DNAH14: variants seen among roughly 807,000 people sequenced by gnomAD.
DNAH14 encodes axonemal beta dynein heavy chain 14.
DNAH14 carries 478 observed loss-of-function variants against 520.9 expected under a neutral mutation model. The observed-to-expected ratio is 0.92, with a 90% confidence interval of 0.85 to 0.99. DNAH14 has a LOEUF of 0.99. Among genes scored for constraint, DNAH14 ranks in the 50% least tolerant of loss-of-function variants. The pLI is 0.00. For missense variants in DNAH14, 4,831 were observed against 5,234.5 expected (o/e 0.92, Z 2.38); for synonymous variants, 1,581 against 1,757.2 (o/e 0.90, Z 2.51).
chr1:225,050,172 C>A, intron 15 of DNAH14, 38 bp from the exon 16 acceptor site: 1 of 1,489,238 alleles, frequency 6.7e-7, no homozygotes, highest in South Asian at 1.4e-5. Flanking sequence ...CTTTCAATGG[C>A]ATTTCTGAAG....
intron 41 of DNAH14, among the ~76,000 whole-genome samples, chr1:225,227,539 T>C (rs1294568086): frequency 6.6e-6 from 1 of 152,206 alleles, no homozygotes; most frequent in Non-Finnish European, 1.5e-5. Flanking sequence ...CTTATGCCTG[T>C]CTTTTTCTAC....
At chr1:225,089,792 ATG>A (rs1433161971) in intron 21 of DNAH14, among the ~76,000 whole-genome samples, 2 of 152,216 alleles carry the variant, frequency 1.3e-5, no homozygotes, top group Non-Finnish European at 2.9e-5. Context: ...TGATTAAAAT[ATG>A]TCTCAACAAA....
At chr1:225,145,157 T>A (rs1252475607) in intron 29 of DNAH14, among the ~76,000 whole-genome samples, 169 bp from the exon 30 acceptor site, 1 of 152,202 alleles carries the variant, frequency 6.6e-6, no homozygotes, top group Non-Finnish European at 1.5e-5. Context: ...TATATGTACA[T>A]TTATACTATT....
chr1:225,373,323 A>G (rs775827551), intron 77 of DNAH14, among the ~76,000 whole-genome samples: 29 of 152,040 alleles, frequency 1.9e-4, no homozygotes, highest in Non-Finnish European at 3.8e-4. Flanking sequence ...ACCCTGTCCG[A>G]GCGTGGTGGT....
rs142089541 is a variant in DNAH14 at position 225,351,687 on chromosome 1, G to A, written c.11337G>A (p.Leu3779=). The change falls in exon 72 of 86, where the codon CTG becomes CTA. Residue 3779 remains leucine (L), a synonymous_variant. Transcript: ENST00000682510. ...GTGAAAGTCAACATCTTCAGTGGCTGTCAGATTCCAGGTGGAGGCAGTGCC... is the reference window on the plus strand; with the variant it reads ...GTGAAAGTCAACATCTTCAGTGGCTATCAGATTCCAGGTGGAGGCAGTGCC... ...EIGESQHLQW[L]SDSRWRQCQY... 2.8e-5 allele frequency: 43 copies of A among 1,550,228 alleles called. No homozygotes were observed. The African/African-American group carries it at 3.7e-4, about 13-fold the overall frequency.
chr1:225,270,704 C>A, intron 49 of DNAH14, 31 bp from the exon 50 acceptor site: 2 of 1,543,954 alleles, frequency 1.3e-6, no homozygotes, highest in Non-Finnish European at 1.8e-6. Context: ...CAGATACATT[C>A]AGTTACTCTT....
At position 225,365,032 on chromosome 1, in the gene DNAH14, C is replaced by T. The variant is rs528162778; in HGVS notation, c.12090+138C>T. On this transcript the variant is annotated intron_variant, in intron 76 of 85. Transcript: ENST00000682510. ...TGAAATGCTAAATTTCTGCTTTGTG[C>T]TCAACCCTATACTGGGGATGAGGAA... 6.4e-6 allele frequency: 4 copies of T among 623,598 alleles called. No homozygotes were observed. In the South Asian group the frequency reaches 8.1e-5, roughly 13 times the overall value. The allele number at this position is 623,598 out of a possible 1,614,324, so 38.6% of individuals were successfully genotyped here.
intron 64 of DNAH14, among the ~76,000 whole-genome samples, chr1:225,331,190 G>T (rs1293381689): frequency 6.6e-6 from 1 of 150,498 alleles, no homozygotes; most frequent in Non-Finnish European, 1.5e-5. Context: ...ATCTACAAAC[G>T]CTAGGATTGT....
rs1447488835 is a variant in DNAH14, at chr1:225,079,437, A to T, written c.2655A>T (p.Ser885=). The T allele has an allele frequency of 6.5e-7, 1 of 1,548,126 alleles. No individual in the cohort carries two copies. The highest frequency in any genetic ancestry group is 8.7e-7 in the Non-Finnish European group (1 of 1,146,184). Residue 885 remains serine, a synonymous_variant, in exon 18 of 86, where the codon TCA becomes TCT. Coordinates refer to ENST00000682510, the MANE Select transcript of DNAH14 (RefSeq NM_001367479.1). Reference sequence around the variant, plus strand: ...TTCTTAAGTTTAGTCAACTAAAATCATCTATGAAGTTAAGTAAAATAAATA... The same window carrying T: ...TTCTTAAGTTTAGTCAACTAAAATCTTCTATGAAGTTAAGTAAAATAAATA... ...VLLLKFSQLK[S]SMKLSKINKD... is the part of the protein sequence containing the mutation.
chr1:224,962,894 T>TA (rs1023524185), intron 4 of DNAH14, among the ~76,000 whole-genome samples: 3 of 152,134 alleles, frequency 2.0e-5, no homozygotes, highest in Non-Finnish European at 4.4e-5. Flanking sequence ...CAAATTACAC[T>TA]AAAAAATGGA....
At chr1:225,291,924 T>C (rs2093901819) in intron 55 of DNAH14, among the ~76,000 whole-genome samples, 1 of 152,076 alleles carries the variant, frequency 6.6e-6, no homozygotes, top group African/African-American at 2.4e-5. Context: ...AGGTTTTGTT[T>C]TGTTTTTCGT....
At chr1:225,234,081 A>G (rs2091364092) in intron 42 of DNAH14, among the ~76,000 whole-genome samples, 1 of 152,156 alleles carries the variant, frequency 6.6e-6, no homozygotes, top group Admixed American at 6.5e-5. Context: ...CACATTTGTC[A>G]AAGATCAGAT....
chr1:225,101,307 A>G (rs1366830160), intron 23 of DNAH14, among the ~76,000 whole-genome samples: 1 of 152,112 alleles, frequency 6.6e-6, no homozygotes, highest in Non-Finnish European at 1.5e-5. Flanking sequence ...TAAAATAATC[A>G]CATCAAGGTA....
Position 225,259,148 on chromosome 1 carries a change from C to A in DNAH14, c.7052C>A (p.Ala2351Asp). ...TGESGVGKTA[A>D]INQMLEKLEG... The stretch of plus-strand genomic sequence containing the variant: ...GAATCTGGTGTTGGGAAAACTGCTG[C>A]CATTAATCAAATGCTTGAAAAGCTA... The change falls in exon 46 of 86, where the codon GCC becomes GAC. Residue 2351 changes from alanine to aspartate, a missense_variant. Physicochemically the swap from Ala to Asp is moderately radical, Grantham distance 126 (BLOSUM62 -2). Transcript: ENST00000682510. The A allele has an allele frequency of 1.3e-6, 2 of 1,542,278 alleles. No homozygotes were observed. Among genetic ancestry groups the A allele is most frequent in the Non-Finnish European group, 1.7e-6 (2 of 1,144,514 alleles).
At chr1:224,974,064 G>A (rs1045034033) in intron 7 of DNAH14, 27 bp from the exon 8 acceptor site, 2 of 1,436,724 alleles carry the variant, frequency 1.4e-6, no homozygotes, top group Admixed American at 4.9e-5. Context: ...TATGGATATG[G>A]AATATAAGAA....
At chr1:224,968,912 G>C in intron 7 of DNAH14, 38 bp downstream of exon 7, 1 of 1,415,808 alleles carries the variant, frequency 7.1e-7, no homozygotes, top group East Asian at 2.6e-5. Context: ...TTTGTAGTTT[G>C]ATCCTATTGA....
chr1:225,027,817 A>G (rs767033160), intron 11 of DNAH14, among the ~76,000 whole-genome samples: 13 of 151,784 alleles, frequency 8.6e-5, no homozygotes, highest in Middle Eastern at 3.4e-3. Context: ...ATCACCATCT[A>G]TCTTTCTTGA....
Position 225,300,890 on chromosome 1 carries a change from A to T in DNAH14, c.8491A>T (p.Asn2831Tyr). ...TAAGGACTCATTTTTAGAAGATTTG[A>T]ACTACATCATCAGTTCAGGAAGAAT... ...IEQDSFLEDL[N>Y]YIISSGRIPD... Residue 2831 changes from asparagine (N) to tyrosine (Y), a missense_variant, in exon 56 of 86, where the codon AAC becomes TAC. By Grantham distance (143) the Asn-to-Tyr change is moderately radical (BLOSUM62 -2). Transcript: ENST00000682510. 1 of 1,550,624 alleles carries T rather than the reference A, an allele frequency of 6.4e-7. No individual in the cohort carries two copies. Among genetic ancestry groups the T allele is most frequent in the Non-Finnish European group, 8.7e-7 (1 of 1,146,742 alleles).
rs1182260800 is a variant in DNAH14, at chr1:225,276,987, GAGGGAGGAAGGA to G, written c.8179-415_8179-404del. ...GAAGGAAGGAAGGAAGGAAGGAAGGGAGGGAGGAAGGAAGGGAGGGAGGGAGGGAGGGAGGGA... is the reference window on the plus strand; with the variant it reads ...GAAGGAAGGAAGGAAGGAAGGAAGGGAGGGAGGGAGGGAGGGAGGGAGGGA... On this transcript the variant is annotated intron_variant, in intron 53 of 85. Coordinates refer to ENST00000682510, the MANE Select transcript of DNAH14 (RefSeq NM_001367479.1). Among the ~76,000 whole-genome samples the G allele has an allele frequency of 2.4e-3, 65 of 26,718 alleles. 1 individual carries two copies. Among genetic ancestry groups the G allele is most frequent in the African/African-American group, 0.011 (61 of 5,452 alleles). 17.5% of individuals were successfully genotyped at this position (26,718 alleles called of 152,430 possible).
Sources: allele counts gnomAD v4.1 joint callset (sites outside exome capture counted in the v4.1 genomes callset), GRCh38; gene constraint gnomAD v4.1.1; transcripts MANE v1.5; gene names NCBI Gene and HGNC (gene_info 2026-07-23, HGNC 2026-07-21).